The following CENPP variants were observed in gnomAD, a reference collection of about 807,000 sequenced individuals.
CENPP encodes the protein centromere protein P.
CENPP carries 24 observed loss-of-function variants against 35.6 expected under a neutral mutation model. That is an observed-to-expected ratio of 0.67 (90% CI 0.49 to 0.95). The LOEUF is 0.95. CENPP is among the 40% of genes least tolerant of loss of function. The probability of loss-of-function intolerance (pLI) is 0.00; values close to 1 mark genes in which losing one functional copy is unlikely to be tolerated. For missense variants in CENPP, 332 were observed against 345.3 expected, an observed-to-expected ratio of 0.96 and a Z score of 0.31; for synonymous variants, 120 against 125.5, an observed-to-expected ratio of 0.96 and a Z score of 0.29.
intron 5 of CENPP, among the ~76,000 whole-genome samples, chr9:92,556,722 G>A (rs928337885): frequency 2.0e-5 from 3 of 152,180 alleles, no homozygotes; most frequent in Non-Finnish European, 4.4e-5. Context: ...GTGTATGTGA[G>A]TCCTTATGTG....
chr9:92,326,366 C>G (rs2130764473), intron 1 of CENPP, among the ~76,000 whole-genome samples: 1 of 152,274 alleles, frequency 6.6e-6, no homozygotes, highest in East Asian at 1.9e-4. Flanking sequence ...TGACTATATC[C>G]CTAGCTAGAT....
At chr9:92,581,185 A>G (rs942715993) in intron 5 of CENPP, among the ~76,000 whole-genome samples, 36 of 152,130 alleles carry the variant, frequency 2.4e-4, no homozygotes, top group African/African-American at 8.0e-4. Context: ...AAATAAGTAC[A>G]TAAATATCAA....
rs756003381 is a variant in CENPP, at chr9:92,614,452, G to T, written c.*1303G>T. ...TATGAGACGGTGTCATTGGAAGTGA[G>T]AAGAAAACAGTAAAAGTGTCCAGTT... On this transcript the variant is annotated 3_prime_UTR_variant, in exon 8 of 8. Coordinates refer to ENST00000375587, the MANE Select transcript of CENPP (RefSeq NM_001012267.3). The T allele has an allele frequency of 1.3e-5, 2 of 152,460 alleles. No individual in the cohort carries two copies. Among genetic ancestry groups the T allele is most frequent in the Non-Finnish European group, 2.9e-5 (2 of 68,050 alleles). The allele number at this position is 152,460 out of a possible 1,614,324, so 9.4% of individuals were successfully genotyped here. A position where few individuals can be genotyped will look rare whatever the true frequency, so the allele number is the denominator to read the frequency against.
chr9:92,483,414 G>T (rs959848323), intron 5 of CENPP, among the ~76,000 whole-genome samples: 1 of 152,116 alleles, frequency 6.6e-6, no homozygotes, highest in Non-Finnish European at 1.5e-5. Flanking sequence ...TTTTTTAATA[G>T]AGACAGTGTT....
rs41305495 is a variant in CENPP, at chr9:92,617,792, T to C, written c.*4643T>C. The C allele has an allele frequency of 0.04, 7,278 of 180,226 alleles. 227 individuals carry two copies. Among genetic ancestry groups the C allele is most frequent in the South Asian group, 0.093 (754 of 8,104 alleles). The allele number at this position is 180,226 out of a possible 1,614,324, so 11.2% of individuals were successfully genotyped here. A position where few individuals can be genotyped will look rare whatever the true frequency, so the allele number is the denominator to read the frequency against. On this transcript the variant is annotated 3_prime_UTR_variant, in exon 8 of 8. Transcript: ENST00000375587. Reference sequence around the variant, plus strand: ...AGCATCAGGGTTTAGGCCGGGAAGCTGTGGCAGCTCTCTCCACAGTTCCAA... The same window carrying C: ...AGCATCAGGGTTTAGGCCGGGAAGCCGTGGCAGCTCTCTCCACAGTTCCAA...
At chr9:92,553,731 T>A (rs900688945) in intron 5 of CENPP, among the ~76,000 whole-genome samples, 5 of 152,226 alleles carry the variant, frequency 3.3e-5, no homozygotes, top group Admixed American at 2.6e-4. Flanking sequence ...CCTGTTAGTG[T>A]ATAGAAGAGC....
intron 7 of CENPP, 91 bp downstream of exon 7, chr9:92,612,705 A>T: frequency 1.1e-6 from 1 of 936,708 alleles, no homozygotes; most frequent in Admixed American, 2.1e-5. Flanking sequence ...AAGGGCAAGA[A>T]TCAAAAATTG....
intron 5 of CENPP, among the ~76,000 whole-genome samples, chr9:92,562,747 C>CTG (rs1849878727): frequency 6.6e-6 from 1 of 152,118 alleles, no homozygotes; most frequent in African/African-American, 2.4e-5. Context: ...TTCTTTTCCA[C>CTG]TGATATACTG....
At chr9:92,352,810 T>C (rs1158151491) in intron 4 of CENPP, among the ~76,000 whole-genome samples, 1 of 151,860 alleles carries the variant, frequency 6.6e-6, no homozygotes, top group South Asian at 2.1e-4. Flanking sequence ...GAGTCTGCCT[T>C]CTCCAGCCCA....
chr9:92,450,904 G>A (rs1254296546), intron 5 of CENPP, among the ~76,000 whole-genome samples: 1 of 152,166 alleles, frequency 6.6e-6, no homozygotes, highest in Non-Finnish European at 1.5e-5. Context: ...CTTTTGAGAA[G>A]TGTCTGTTCA....
intron 5 of CENPP, among the ~76,000 whole-genome samples, chr9:92,480,645 G>C (rs1285475891): frequency 6.6e-6 from 1 of 152,124 alleles, no homozygotes; most frequent in African/African-American, 2.4e-5. Flanking sequence ...AAGTGAAATG[G>C]TATTTCCTCT....
In CENPP at chr9:92,592,550, T is replaced by C. The variant is rs75895899; in HGVS notation, c.565-18764T>C. Among the ~76,000 whole-genome samples, 7 of 152,366 alleles carry C rather than the reference T, an allele frequency of 4.6e-5. No homozygotes were observed. The East Asian group carries it at 1.2e-3, about 25-fold the overall frequency. On this transcript the variant is annotated intron_variant, in intron 5 of 7. Transcript: ENST00000375587. ...ACAACAAAGTCTTTATCCATCATAC[T>C]GTTCCTGGGTATTCCTCAGTTCTGG...
At chr9:92,327,755 A>T (rs543466853) in intron 1 of CENPP, among the ~76,000 whole-genome samples, 3 of 152,314 alleles carry the variant, frequency 2.0e-5, no homozygotes, top group South Asian at 4.1e-4. Context: ...CTGGTGGTGG[A>T]TGAACTGCAA....
At chr9:92,380,113 A>G (rs1842211471) in intron 5 of CENPP, among the ~76,000 whole-genome samples, 1 of 152,212 alleles carries the variant, frequency 6.6e-6, no homozygotes, top group Non-Finnish European at 1.5e-5. Flanking sequence ...CGCATTTTGG[A>G]AAAACATTCT....
intron 5 of CENPP, chr9:92,416,686 T>A (rs1256208672): frequency 6.2e-7 from 1 of 1,611,600 alleles, no homozygotes. Context: ...CTTGCTTCAA[T>A]TTGTTGTGTC....
At chr9:92,389,738 T>C in intron 5 of CENPP, 1 of 670,302 alleles carries the variant, frequency 1.5e-6, no homozygotes, top group Non-Finnish European at 2.5e-6. Context: ...ATGTCTTCAT[T>C]TATTAAATCA....
At chr9:92,329,723 T>TTGTGTGTGTGTG (rs113846007) in intron 1 of CENPP, among the ~76,000 whole-genome samples, 1 of 150,862 alleles carries the variant, frequency 6.6e-6, no homozygotes, top group African/African-American at 2.4e-5. Flanking sequence ...CCAGATAATT[T>TTGTGTGTGTGTG]TGTGTGTGTG....
At chr9:92,496,811 G>C (rs1588180980) in intron 5 of CENPP, among the ~76,000 whole-genome samples, 1 of 152,068 alleles carries the variant, frequency 6.6e-6, no homozygotes, top group African/African-American at 2.4e-5. Context: ...GAAGGAGAAA[G>C]TAACTTATAT....
chr9:92,352,884 T>C (rs1021062104), intron 4 of CENPP, among the ~76,000 whole-genome samples: 2 of 152,044 alleles, frequency 1.3e-5, no homozygotes, highest in African/African-American at 4.8e-5. Flanking sequence ...TAATACTTTG[T>C]ATCCTTCAAT....
Sources: allele counts gnomAD v4.1 joint callset (sites outside exome capture counted in the v4.1 genomes callset), GRCh38; gene constraint gnomAD v4.1.1; transcripts MANE v1.5; gene names NCBI Gene and HGNC (gene_info 2026-07-23, HGNC 2026-07-21).